GK5: variants seen among roughly 807,000 people sequenced by gnomAD.
GK5 encodes ATP:glycerol 3-phosphotransferase 5.
In GK5, 39 loss-of-function variants were observed where a neutral mutation model predicts 77.3. The ratio of observed to expected loss-of-function variants is 0.50; its 90% CI spans 0.39 to 0.66. The LOEUF (loss-of-function observed/expected upper bound fraction) is 0.66. GK5 is among the 30% of genes least tolerant of loss of function. The pLI is 0.00. For synonymous variants in GK5, 211 were observed against 208.0 expected, an observed-to-expected ratio of 1.01 and a Z score of -0.13; for missense variants, 487 against 633.8, an observed-to-expected ratio of 0.77 and a Z score of 2.49.
intron 5 of GK5, among the ~76,000 whole-genome samples, chr3:142,193,256 G>A (rs978293803): frequency 1.3e-5 from 2 of 152,092 alleles, no homozygotes; most frequent in African/African-American, 4.8e-5. Flanking sequence ...AAATTAAAGT[G>A]TATTAATTTT....
chr3:142,196,121 T>C (rs1242338796), intron 5 of GK5, among the ~76,000 whole-genome samples: 1 of 152,182 alleles, frequency 6.6e-6, no homozygotes, highest in Non-Finnish European at 1.5e-5. Flanking sequence ...CATGCACTTG[T>C]TCATGGTATT....
chr3:142,182,870 T>G (rs2107774814), intron 10 of GK5, 53 bp downstream of exon 10: 2 of 1,299,584 alleles, frequency 1.5e-6, no homozygotes, highest in East Asian at 4.7e-5. Context: ...AGAAGTTAAA[T>G]ATGAACAGAA....
intron 4 of GK5, among the ~76,000 whole-genome samples, chr3:142,201,777 G>A (rs2064028876): frequency 6.6e-6 from 1 of 152,186 alleles, no homozygotes; most frequent in African/African-American, 2.4e-5. Flanking sequence ...TGGGGAGAAA[G>A]TGCAAAGAGT....
chr3:142,184,284 A>T (rs1291103361), intron 9 of GK5, among the ~76,000 whole-genome samples: 1 of 149,464 alleles, frequency 6.7e-6, no homozygotes, highest in Non-Finnish European at 1.5e-5. Context: ...AAAAAAAAAA[A>T]AAGAAAATAA....
intron 4 of GK5, among the ~76,000 whole-genome samples, chr3:142,199,863 A>G (rs1473796877): frequency 6.6e-6 from 1 of 151,986 alleles, no homozygotes; most frequent in East Asian, 1.9e-4. Context: ...CTTAAGAAGT[A>G]TTGCCCACTT....
intron 3 of GK5, among the ~76,000 whole-genome samples, chr3:142,205,534 TAGTC>T (rs920981289): frequency 6.6e-6 from 1 of 152,224 alleles, no homozygotes; most frequent in African/African-American, 2.4e-5. Flanking sequence ...GCTCCAATAT[TAGTC>T]AGCACATAGG....
intron 12 of GK5, among the ~76,000 whole-genome samples, chr3:142,175,997 T>C (rs1325397960): frequency 1.3e-5 from 2 of 151,940 alleles, no homozygotes; most frequent in African/African-American, 4.8e-5. Context: ...AAACCTTACC[T>C]TGCTGAGGAC....
intron 5 of GK5, among the ~76,000 whole-genome samples, chr3:142,193,773 C>T (rs1474215810): frequency 6.6e-6 from 1 of 152,156 alleles, no homozygotes. Flanking sequence ...CAGCATCTCG[C>T]TCTGTTGCCC....
intron 3 of GK5, among the ~76,000 whole-genome samples, chr3:142,211,139 C>CA (rs914277942): frequency 3.7e-4 from 56 of 152,198 alleles, no homozygotes; most frequent in Non-Finnish European, 8.8e-5. Context: ...GGGATGTCCC[C>CA]AGGGGACGTT....
chr3:142,209,670 AAATACTAC>A (rs762134142), intron 3 of GK5, among the ~76,000 whole-genome samples: 144 of 152,370 alleles, frequency 9.5e-4, no homozygotes, highest in Middle Eastern at 3.4e-3. Flanking sequence ...TGTAAGTATC[AAATACTAC>A]AATAAAAATC....
Position 142,161,319 on chromosome 3 carries a change from T to C in GK5, c.*4303A>G, listed in dbSNP as rs1030877548. The C allele has an allele frequency of 6.6e-6, 1 of 151,934 alleles. No individual in the cohort carries two copies. The highest frequency in any genetic ancestry group is 1.5e-5 in the Non-Finnish European group (1 of 68,004). 9.4% of individuals were successfully genotyped at this position (151,934 alleles called of 1,614,324 possible). A position where few individuals can be genotyped will look rare whatever the true frequency, so the allele number is the denominator to read the frequency against. On this transcript the variant is annotated 3_prime_UTR_variant, in exon 16 of 16. Transcript: ENST00000392993. ...GGTTTCTCCATGTTGGTCAGGCTGG[T>C]CTCAAGCTACTAACCTCAGGTAATC...
intron 13 of GK5, 142 bp downstream of exon 13, chr3:142,172,211 T>C (rs944058264): frequency 8.3e-5 from 37 of 446,216 alleles, no homozygotes; most frequent in African/African-American, 6.7e-4. Context: ...AAGAAGAACA[T>C]ATTACATAAT....
intron 3 of GK5, among the ~76,000 whole-genome samples, chr3:142,212,352 G>T (rs1324654751): frequency 6.6e-6 from 1 of 151,914 alleles, no homozygotes; most frequent in African/African-American, 2.4e-5. Context: ...TTGGCAATAT[G>T]GTGAAACCCC....
chr3:142,200,096 T>C (rs147533560), intron 4 of GK5, among the ~76,000 whole-genome samples: 6,878 of 147,652 alleles, frequency 0.047, 187 homozygotes, highest in Non-Finnish European at 0.065. Context: ...TCTATATATA[T>C]ATACACACAC....
rs555925992 is a variant in GK5 at position 142,222,292 on chromosome 3, G to A, written c.147+3017C>T. Among the ~76,000 whole-genome samples, 9 of 152,252 alleles carry A rather than the reference G, an allele frequency of 5.9e-5. No individual in the cohort carries two copies. The East Asian group carries it at 1.4e-3, about 23-fold the overall frequency. On this transcript the variant is annotated intron_variant, in intron 1 of 15. Transcript: ENST00000392993. ...AAAAATTTCTATTCATTGGCCAGGC[G>A]CAGTGGCTCATGCCTGTAATCCCAG...
chr3:142,176,890 T>C (rs1399268550), intron 12 of GK5, among the ~76,000 whole-genome samples: 1 of 152,128 alleles, frequency 6.6e-6, no homozygotes, highest in Non-Finnish European at 1.5e-5. Context: ...CTCGATCTCC[T>C]GACCTTGTGA....
intron 6 of GK5, 84 bp from the exon 7 acceptor site, chr3:142,186,597 C>A: frequency 5.8e-6 from 3 of 518,098 alleles, no homozygotes; most frequent in Non-Finnish European, 3.3e-6. Context: ...AGACCTTTGT[C>A]TACCCTCAAA....
rs755136151 is a variant in GK5, at chr3:142,165,789, T to A, written c.1442-19A>T. On this transcript the variant is annotated intron_variant, in intron 15 of 15. Transcript: ENST00000392993. The stretch of plus-strand genomic sequence containing the variant: ...CAAAACCCTATAGATAAAAAAATTA[T>A]CCTCAAATTTTAAGGCAAATCATGA... 2.7e-5 allele frequency: 41 copies of A among 1,543,424 alleles called. No homozygotes were observed. The highest frequency in any genetic ancestry group is 3.3e-5 in the Non-Finnish European group (38 of 1,147,324).
intron 3 of GK5, among the ~76,000 whole-genome samples, chr3:142,210,641 G>A (rs1287276529): frequency 2.0e-5 from 3 of 152,162 alleles, no homozygotes; most frequent in Non-Finnish European, 4.4e-5. Context: ...AAGAAAAAAG[G>A]ACAGCCAAGA....
Sources: allele counts gnomAD v4.1 joint callset (sites outside exome capture counted in the v4.1 genomes callset), GRCh38; gene constraint gnomAD v4.1.1; transcripts MANE v1.5; gene names NCBI Gene and HGNC (gene_info 2026-07-23, HGNC 2026-07-21).